Variants in FBXO31 observed in about 807,000 individuals in gnomAD.
FBXO31 encodes the protein F-box protein 31.
FBXO31 carries 24 observed loss-of-function variants against 54.4 expected under a neutral mutation model. The ratio of observed to expected loss-of-function variants is 0.44; its 90% confidence interval spans 0.32 to 0.62. The LOEUF is 0.62. FBXO31 is among the 20% of genes least tolerant of loss of function. FBXO31 has a pLI of 0.05. For missense variants in FBXO31, 665 were observed against 787.1 expected (o/e 0.84, Z 1.86); for synonymous variants, 388 against 335.6 (o/e 1.16, Z -1.71).
intron 8 of FBXO31, among the ~76,000 whole-genome samples, chr16:87,332,491 G>A (rs1195114683): frequency 6.6e-6 from 1 of 152,230 alleles, no homozygotes. Flanking sequence ...GGGTAACAGA[G>A]CTTTTTCCTT....
rs749384432 is a variant in FBXO31 at position 87,346,198 on chromosome 16, G to A, written c.489+976C>T. Among the ~76,000 whole-genome samples the A allele has an allele frequency of 2.0e-5, 3 of 152,156 alleles. No individual in the cohort carries two copies. Among genetic ancestry groups the A allele is most frequent in the East Asian group, 1.9e-4 (1 of 5,162 alleles). On this transcript the variant is annotated intron_variant, in intron 3 of 8. Transcript: ENST00000311635. This position sits in a 1 kb window ranked among gnomAD's most constrained non-coding sequence, Gnocchi z 4.2. ...CGGGACGCTTCCCCAAGCCTGAGAC[G>A]CGCGCATACCCCGGGCCTGCGCAGA... is the stretch of plus-strand genomic sequence containing the variant.
rs1302260436 is a variant in FBXO31 at position 87,343,691 on chromosome 16, G to C, written c.564C>G (p.Phe188Leu). The change falls in exon 4 of 9, where the codon TTC becomes TTG. Residue 188 changes from phenylalanine to leucine, a missense_variant. Phe to Leu is a conservative substitution (Grantham distance 22). Around this residue, in one of 4 missense-constraint regions of FBXO31, gnomAD observed 234 missense variants for 346.8 expected, o/e 0.67. Transcript: ENST00000311635. ...HDPHVDDPMR[F>L]KPLFRIHLME... is the part of the protein sequence containing the mutation. ...TCAGGTGGATCCTGAACAGAGGCTT[G>C]AATCTCATAGGGTCATCGACGTGGG... is the stretch of plus-strand genomic sequence containing the variant. 1.2e-6 allele frequency: 2 copies of C among 1,614,228 alleles called. No homozygotes were observed. The highest frequency in any genetic ancestry group is 1.7e-6 in the Non-Finnish European group (2 of 1,180,040).
Position 87,335,226 on chromosome 16 carries a change from G to A in FBXO31, c.996+78C>T. 1 of 1,591,082 alleles carries A rather than the reference G, an allele frequency of 6.3e-7. No homozygotes were observed. Among genetic ancestry groups the A allele is most frequent in the Non-Finnish European group, 8.5e-7 (1 of 1,170,786 alleles). Reference sequence around the variant, plus strand: ...GCAAGGGTGCCGGGGATCAGTGTCTGCCCAAGTTCCCTGACTCCACAGCCC... The same window carrying A: ...GCAAGGGTGCCGGGGATCAGTGTCTACCCAAGTTCCCTGACTCCACAGCCC... On this transcript the variant is annotated intron_variant, in intron 7 of 8. Coordinates refer to ENST00000311635, the MANE Select transcript of FBXO31 (RefSeq NM_024735.5). This position sits in a 1 kb window ranked among gnomAD's most constrained non-coding sequence, Gnocchi z 5.7.
intron 1 of FBXO31, among the ~76,000 whole-genome samples, chr16:87,372,116 G>C (rs1393699387): frequency 6.6e-6 from 1 of 152,032 alleles, no homozygotes; most frequent in African/African-American, 2.4e-5. Context: ...CCTAGCTACT[G>C]GGGAGGCTGA....
At chr16:87,333,333 G>A (rs553393119) in intron 8 of FBXO31, among the ~76,000 whole-genome samples, 3 of 152,342 alleles carry the variant, frequency 2.0e-5, no homozygotes, top group Non-Finnish European at 2.9e-5. Flanking sequence ...GCACTGGCCC[G>A]GCACAGCAGA....
intron 2 of FBXO31, among the ~76,000 whole-genome samples, chr16:87,357,464 G>T (rs1905947054): frequency 6.6e-6 from 1 of 151,672 alleles, no homozygotes; most frequent in Non-Finnish European, 1.5e-5. Flanking sequence ...GGGTACCTGG[G>T]ATTACAAGCA....
chr16:87,390,383 G>A (rs1007462940), upstream of FBXO31, among the ~76,000 whole-genome samples: 11 of 152,156 alleles, frequency 7.2e-5, no homozygotes, highest in African/African-American at 2.2e-4. Flanking sequence ...ATCTATGACA[G>A]TAGTTGGCTT....
chr16:87,363,034 C>G (rs1200346333), intron 1 of FBXO31, among the ~76,000 whole-genome samples: 3 of 152,188 alleles, frequency 2.0e-5, no homozygotes, highest in African/African-American at 7.2e-5. Flanking sequence ...TGACAACCAT[C>G]CAGGCTGACT....
rs752324138 is a variant in FBXO31 at position 87,334,111 on chromosome 16, C to A, written c.1172G>T (p.Gly391Val). 6.2e-7 allele frequency: 1 copy of A among 1,610,748 alleles called. No individual in the cohort carries two copies. The highest frequency in any genetic ancestry group is 8.5e-7 in the Non-Finnish European group (1 of 1,178,698). Residue 391 changes from glycine to valine, a missense_variant, in exon 8 of 9, where the codon GGT becomes GTT. Coordinates refer to ENST00000311635, the MANE Select transcript of FBXO31 (RefSeq NM_024735.5). ...CTCCCGGGGGCCCTGCCGGCCACGACCCTCGCCCGCCTCGTGCCCGCCTTC... is the reference window on the plus strand; with the variant it reads ...CTCCCGGGGGCCCTGCCGGCCACGAACCTCGCCCGCCTCGTGCCCGCCTTC... ...QQEGGHEAGEGRGRQGPRESQ... is the reference protein window; with the variant it reads ...QQEGGHEAGEVRGRQGPRESQ...
chr16:87,392,103 A>C, upstream of FBXO31: 1 of 263,094 alleles, frequency 3.8e-6, no homozygotes. Context: ...TCAGGCGCCC[A>C]GCGGTGCTGG....
intron 2 of FBXO31, among the ~76,000 whole-genome samples, chr16:87,359,641 TGA>T (rs1906046882): frequency 6.6e-6 from 1 of 152,182 alleles, no homozygotes; most frequent in African/African-American, 2.4e-5. Context: ...ACGTGGGGTA[TGA>T]GACACTCACA....
intron 1 of FBXO31, among the ~76,000 whole-genome samples, chr16:87,366,156 G>A (rs1351195378): frequency 3.3e-5 from 5 of 152,154 alleles, no homozygotes; most frequent in Non-Finnish European, 7.4e-5. Flanking sequence ...ATGGGATTCT[G>A]GGAGAAGAAA....
In FBXO31 at chr16:87,375,570, C is replaced by T. The variant is rs528105248; in HGVS notation, c.340+7835G>A. ...CACAACACATCAACTAAAAGGGCAACGACTAACCAAAACAAGCCCAGGCAG... is the reference window on the plus strand; with the variant it reads ...CACAACACATCAACTAAAAGGGCAATGACTAACCAAAACAAGCCCAGGCAG... On this transcript the variant is annotated intron_variant, in intron 1 of 8. Transcript: ENST00000311635. 2.0e-5 allele frequency among the ~76,000 whole-genome samples: 3 copies of T among 152,238 alleles called. No individual in the cohort carries two copies. In the South Asian group the frequency reaches 6.2e-4, roughly 32 times the overall value.
Position 87,328,630 on chromosome 16 carries a change from A to G in FBXO31, c.*2658T>C, listed in dbSNP as rs1050445444. The G allele has an allele frequency of 1.3e-5, 2 of 152,244 alleles. No homozygotes were observed. The highest frequency in any genetic ancestry group is 6.5e-5 in the Admixed American group (1 of 15,286). 9.4% of individuals were successfully genotyped at this position (152,244 alleles called of 1,614,324 possible). ...CAGTGCCGGCACAGAAAAGCCTCCA[A>G]TGACCTCTCTGAAATCTTCAATCAC... On this transcript the variant is annotated 3_prime_UTR_variant, in exon 9 of 9. Transcript: ENST00000311635.
intron 2 of FBXO31, among the ~76,000 whole-genome samples, chr16:87,357,677 C>T (rs944760144): frequency 6.6e-6 from 1 of 152,060 alleles, no homozygotes; most frequent in Admixed American, 6.5e-5. Flanking sequence ...AGGCACGGTA[C>T]CTCATGCCTG....
intron 2 of FBXO31, among the ~76,000 whole-genome samples, chr16:87,354,211 G>A (rs778992655): frequency 2.6e-5 from 4 of 152,200 alleles, no homozygotes; most frequent in Non-Finnish European, 5.9e-5. Flanking sequence ...GGTGGCTCAC[G>A]CCTGTAATCC....
In FBXO31 at chr16:87,327,824, T is replaced by C. The variant is rs1048604751; in HGVS notation, c.*3464A>G. 2 of 152,208 alleles carry C rather than the reference T, an allele frequency of 1.3e-5. No homozygotes were observed. Among genetic ancestry groups the C allele is most frequent in the African/African-American group, 4.8e-5 (2 of 41,442 alleles). 9.4% of individuals were successfully genotyped at this position (152,208 alleles called of 1,614,324 possible). Reference sequence around the variant, plus strand: ...CTTGATCATGATTCCAGGAGTTTTATTCTCAGGACAGGTGATGGTTCTATG... The same window carrying C: ...CTTGATCATGATTCCAGGAGTTTTACTCTCAGGACAGGTGATGGTTCTATG... On this transcript the variant is annotated 3_prime_UTR_variant, in exon 9 of 9. Coordinates refer to ENST00000311635, the MANE Select transcript of FBXO31 (RefSeq NM_024735.5).
At chr16:87,386,491 G>C (rs1380095615), upstream of FBXO31, among the ~76,000 whole-genome samples, 1 of 152,182 alleles carries the variant, frequency 6.6e-6, no homozygotes, top group Non-Finnish European at 1.5e-5. Flanking sequence ...GGAGTGCAGT[G>C]GCACAATCTC....
At chr16:87,369,906 GC>G (rs1389384415) in intron 1 of FBXO31, among the ~76,000 whole-genome samples, 1 of 152,040 alleles carries the variant, frequency 6.6e-6, no homozygotes, top group African/African-American at 2.4e-5. Context: ...AAGCTGTTTT[GC>G]CAAGAGGAAC....
Sources: gnomAD v4.1 joint callset for allele counts (sites outside exome capture counted in the v4.1 genomes callset) on GRCh38, gnomAD v4.1.1 for gene constraint, gnomAD v4.1.1 regional missense constraint, Gnocchi (gnomAD v3.1) non-coding constraint, MANE v1.5 for transcripts, NCBI Gene and HGNC (gene_info 2026-07-23, HGNC 2026-07-21) for gene names.